ABCA12: variants seen among roughly 807,000 people sequenced by gnomAD.
The protein encoded by ABCA12 is glucosylceramide transporter ABCA12.
In ABCA12, 156 loss-of-function variants were observed where a neutral mutation model predicts 293.5. The observed-to-expected ratio is 0.53, with a 90% confidence interval of 0.47 to 0.61. The LOEUF is 0.61. Ranked by LOEUF, ABCA12 falls within the 20% of genes least tolerant of loss-of-function variation. ABCA12 has a pLI of 0.00. For missense variants in ABCA12, 2,797 were observed against 3,090.2 expected, an observed-to-expected ratio of 0.91 and a Z score of 2.25; for synonymous variants, 1,063 against 1,108.0, an observed-to-expected ratio of 0.96 and a Z score of 0.81.
At chr2:215,106,749 A>C (rs1380151892) in intron 2 of ABCA12, among the ~76,000 whole-genome samples, 6 of 71,250 alleles carry the variant, frequency 8.4e-5, no homozygotes, top group African/African-American at 3.7e-4. Context: ...CTTTGGAGGC[A>C]AAAAAAAAAA....
At chr2:214,948,239 C>A (rs1166267873) in intron 47 of ABCA12, among the ~76,000 whole-genome samples, 1 of 152,192 alleles carries the variant, frequency 6.6e-6, no homozygotes, top group African/African-American at 2.4e-5. Flanking sequence ...TTGCCGTTAA[C>A]TGTATGTGTC....
intron 51 of ABCA12, among the ~76,000 whole-genome samples, chr2:214,936,940 A>G (rs914920620): frequency 7.0e-6 from 1 of 143,180 alleles, no homozygotes; most frequent in Non-Finnish European, 1.5e-5. Context: ...TTTGTGAGGA[A>G]AAAAAAAAAT....
At chr2:214,963,626 AAAAG>A (rs1383994662) in intron 39 of ABCA12, among the ~76,000 whole-genome samples, 1 of 150,522 alleles carries the variant, frequency 6.6e-6, no homozygotes, top group African/African-American at 2.4e-5. Flanking sequence ...AAAAAAAAAA[AAAAG>A]AGGCTGTGGA....
Position 214,989,475 on chromosome 2 carries a change from A to G in ABCA12, c.3695-12T>C, listed in dbSNP as rs1297809341. On this transcript the variant is annotated splice_polypyrimidine_tract_variant and intron_variant, in intron 25 of 52. Coordinates refer to ENST00000272895, the MANE Select transcript of ABCA12 (RefSeq NM_173076.3). The stretch of plus-strand genomic sequence containing the variant: ...TTCCCACTGAAGACCTAAAAAGTGA[A>G]CACAAGTGTTTATTCTTCTGTGACA... The G allele has an allele frequency of 6.2e-7, 1 of 1,613,810 alleles. No individual in the cohort carries two copies. The highest frequency in any genetic ancestry group is 1.1e-5 in the South Asian group (1 of 91,072).
chr2:215,081,275 C>G lies in ABCA12; in HGVS notation c.164-17056G>C, dbSNP rs111388798. On this transcript the variant is annotated intron_variant, in intron 2 of 52. Coordinates refer to ENST00000272895, the MANE Select transcript of ABCA12 (RefSeq NM_173076.3). ...GTCCGATCACCTGAGATCAGAAGTT[C>G]GAGACCAGCCTGGCCAACATGGTGA... Among the ~76,000 whole-genome samples, 1,148 of 151,926 alleles carry G rather than the reference C, an allele frequency of 7.6e-3. 14 individuals are homozygous for G. Among genetic ancestry groups the G allele is most frequent in the African/African-American group, 0.026 (1,095 of 41,436 alleles).
intron 2 of ABCA12, among the ~76,000 whole-genome samples, chr2:215,078,999 T>A (rs757308640): frequency 1.3e-5 from 2 of 152,200 alleles, no homozygotes; most frequent in Non-Finnish European, 2.9e-5. Flanking sequence ...ATATTTTGCC[T>A]CTTCCCTCTT....
chr2:214,944,495 G>A (rs2105919567), intron 49 of ABCA12, among the ~76,000 whole-genome samples: 1 of 152,160 alleles, frequency 6.6e-6, no homozygotes, highest in African/African-American at 2.4e-5. Context: ...AAAGGGTATG[G>A]AGATGGGAAG....
chr2:214,983,576 AC>A, intron 29 of ABCA12, 70 bp downstream of exon 29: 1 of 1,353,406 alleles, frequency 7.4e-7, no homozygotes, highest in Non-Finnish European at 1.1e-6. Flanking sequence ...CATTACCAGA[AC>A]TTTACCAACC....
intron 8 of ABCA12, among the ~76,000 whole-genome samples, chr2:215,036,730 T>TAG (rs1701002688): frequency 6.6e-6 from 1 of 152,166 alleles, no homozygotes; most frequent in Non-Finnish European, 1.5e-5. Flanking sequence ...ACAGAGATCA[T>TAG]TTTCACCTAA....
intron 11 of ABCA12, among the ~76,000 whole-genome samples, chr2:215,021,256 G>T (rs931403940): frequency 6.6e-6 from 1 of 152,104 alleles, no homozygotes; most frequent in Non-Finnish European, 1.5e-5. Context: ...ACGAGAAGAC[G>T]CCTGATTTTT....
chr2:215,059,085 A>C (rs1701477576), intron 3 of ABCA12, among the ~76,000 whole-genome samples: 1 of 152,064 alleles, frequency 6.6e-6, no homozygotes, highest in Non-Finnish European at 1.5e-5. Flanking sequence ...AATCCTGGAA[A>C]GAAAATTCTG....
At position 215,097,250 on chromosome 2, in the gene ABCA12, GT is replaced by G. The variant is rs922778706; in HGVS notation, c.163+14346del. Among the ~76,000 whole-genome samples, 8 of 150,962 alleles carry G rather than the reference GT, an allele frequency of 5.3e-5. 1 individual carries two copies. The highest frequency in any genetic ancestry group is 9.7e-5 in the African/African-American group (4 of 41,182). Reference sequence around the variant, plus strand: ...CCATGCAAATCCAAGTATCCTATTAGTTTTTTTTTGAGGACATAGCTTAAGT... The same window carrying G: ...CCATGCAAATCCAAGTATCCTATTAGTTTTTTTTGAGGACATAGCTTAAGT... On this transcript the variant is annotated intron_variant, in intron 2 of 52. Coordinates refer to ENST00000272895, the MANE Select transcript of ABCA12 (RefSeq NM_173076.3).
intron 1 of ABCA12, among the ~76,000 whole-genome samples, chr2:215,131,356 T>C (rs1338366242): frequency 6.6e-6 from 1 of 152,074 alleles, no homozygotes; most frequent in Non-Finnish European, 1.5e-5. Flanking sequence ...CATGAATCCA[T>C]CTTGTCCTGG....
intron 44 of ABCA12, 100 bp from the exon 45 acceptor site, chr2:214,951,183 G>A (rs1024279572): frequency 9.8e-7 from 1 of 1,022,080 alleles, no homozygotes; most frequent in African/African-American, 1.6e-5. Context: ...CAGTGTACTA[G>A]TCATCATTAG....
chr2:215,007,861 A>C lies in ABCA12; in HGVS notation c.2473-15T>G. On this transcript the variant is annotated splice_polypyrimidine_tract_variant and intron_variant, in intron 18 of 52. Transcript: ENST00000272895. Reference sequence around the variant, plus strand: ...GTTACATTGGACTTAATGACAAAGAAACAAAAGAAGTGTGATCCATTAGTA... The same window carrying C: ...GTTACATTGGACTTAATGACAAAGACACAAAAGAAGTGTGATCCATTAGTA... 2 of 1,613,744 alleles carry C rather than the reference A, an allele frequency of 1.2e-6. No homozygotes were observed. Among genetic ancestry groups the C allele is most frequent in the Non-Finnish European group, 1.7e-6 (2 of 1,179,810 alleles).
intron 44 of ABCA12, 81 bp downstream of exon 44, chr2:214,953,773 C>T: frequency 6.5e-7 from 1 of 1,540,326 alleles, no homozygotes; most frequent in Admixed American, 1.9e-5. Flanking sequence ...AATGGAAAAG[C>T]TTAGACTATT....
At chr2:214,980,021 A>G (rs1699612208) in intron 31 of ABCA12, among the ~76,000 whole-genome samples, 1 of 152,214 alleles carries the variant, frequency 6.6e-6, no homozygotes, top group Admixed American at 6.5e-5. Context: ...CTTGAGGAGT[A>G]CTAATCAGAA....
Position 215,015,580 on chromosome 2 carries a change from G to T in ABCA12, c.1866C>A (p.Cys622Ter). Reference protein sequence around the residue: ...PKLEDAMKEFCNLSLSERSRQ... With the variant: ...PKLEDAMKEF ...GGGATCTCTCTGAAAGAGACAGGTT[G>T]CAGAATTCTTTCATTGCATCTTCTA... The change falls in exon 15 of 53, where the codon TGC (cysteine) becomes TGA (stop). Residue 622 changes from cysteine to a stop codon, truncating the protein, a stop_gained. Transcript: ENST00000272895. LOFTEE classifies it high-confidence loss of function. The T allele has an allele frequency of 6.2e-7, 1 of 1,613,982 alleles. No homozygotes were observed. The highest frequency in any genetic ancestry group is 8.5e-7 in the Non-Finnish European group (1 of 1,179,838).
intron 11 of ABCA12, 147 bp from the exon 12 acceptor site, chr2:215,019,943 A>C: frequency 1.0e-6 from 1 of 967,502 alleles, no homozygotes; most frequent in Admixed American, 2.1e-5. Flanking sequence ...CGTTAGTTTT[A>C]TTATGAAGTA....
Sources: allele counts gnomAD v4.1 joint callset (sites outside exome capture counted in the v4.1 genomes callset), GRCh38; gene constraint gnomAD v4.1.1; transcripts MANE v1.5; gene names NCBI Gene and HGNC (gene_info 2026-07-23, HGNC 2026-07-21).